The following KCTD16 variants were observed in gnomAD, a reference collection of about 807,000 sequenced individuals.
KCTD16 encodes BTB/POZ domain-containing protein KCTD16.
KCTD16 carries 13 observed loss-of-function variants against 33.2 expected under a neutral mutation model. The ratio of observed to expected loss-of-function variants is 0.39; its 90% CI spans 0.25 to 0.62. The LOEUF is 0.62. Ranked by LOEUF, KCTD16 falls within the 20% of genes least tolerant of loss-of-function variation. KCTD16 has a pLI of 0.50. For missense variants in KCTD16, 441 were observed against 525.1 expected (o/e 0.84, Z 1.57); for synonymous variants, 197 against 195.3 (o/e 1.01, Z -0.07).
chr5:144,224,225 A>G (rs975143968), intron 3 of KCTD16, among the ~76,000 whole-genome samples: 18 of 152,152 alleles, frequency 1.2e-4, no homozygotes, highest in African/African-American at 4.1e-4. Context: ...TTTTATAACA[A>G]CAAAAACAAT....
intron 3 of KCTD16, among the ~76,000 whole-genome samples, chr5:144,415,674 G>A (rs1306566558): frequency 6.6e-6 from 1 of 152,186 alleles, no homozygotes; most frequent in African/African-American, 2.4e-5. Context: ...CTGAGAAACA[G>A]GGTCAATTCC....
At chr5:144,454,987 G>T (rs1234479341) in intron 3 of KCTD16, among the ~76,000 whole-genome samples, 2 of 151,974 alleles carry the variant, frequency 1.3e-5, no homozygotes, top group African/African-American at 4.8e-5. Context: ...AAAAATTATT[G>T]GTTTCTTAAA....
intron 2 of KCTD16, among the ~76,000 whole-genome samples, chr5:144,186,524 T>C (rs1393545280): frequency 6.6e-6 from 1 of 152,162 alleles, no homozygotes; most frequent in Non-Finnish European, 1.5e-5. Flanking sequence ...ATTCTAGATT[T>C]GTAGTTTTAA....
intron 3 of KCTD16, among the ~76,000 whole-genome samples, chr5:144,450,733 G>T (rs1380238483): frequency 1.3e-5 from 2 of 152,054 alleles, no homozygotes; most frequent in Non-Finnish European, 2.9e-5. Context: ...CTTAAATGAG[G>T]TATCTAAAGT....
intron 3 of KCTD16, among the ~76,000 whole-genome samples, chr5:144,283,478 A>G (rs1755661419): frequency 6.6e-6 from 1 of 152,174 alleles, no homozygotes; most frequent in Admixed American, 6.5e-5. Flanking sequence ...AACTCAGAAG[A>G]CTTTCCCACT....
At chr5:144,233,222 T>TTATTTA (rs1273768006) in intron 3 of KCTD16, among the ~76,000 whole-genome samples, 4 of 152,140 alleles carry the variant, frequency 2.6e-5, no homozygotes, top group Non-Finnish European at 4.4e-5. Context: ...AAAAGGGTCT[T>TTATTTA]CCATCATAAG....
chr5:144,471,788 TG>T (rs1218462616), intron 3 of KCTD16, among the ~76,000 whole-genome samples: 2 of 152,238 alleles, frequency 1.3e-5, no homozygotes, highest in African/African-American at 4.8e-5. Context: ...GATTCCTTTT[TG>T]GCTAATTGGA....
chr5:144,232,497 T>C (rs572495484), intron 3 of KCTD16, among the ~76,000 whole-genome samples: 2 of 152,332 alleles, frequency 1.3e-5, no homozygotes, highest in East Asian at 3.9e-4. Context: ...CTGAGCTGTG[T>C]GTTTCCAGAG....
chr5:144,421,606 G>T (rs981645265), intron 3 of KCTD16, among the ~76,000 whole-genome samples: 4 of 152,102 alleles, frequency 2.6e-5, no homozygotes, highest in Admixed American at 2.6e-4. Flanking sequence ...AAAGCCTTAG[G>T]TGACAGAGTG....
At chr5:144,245,667 T>C (rs1422709) in intron 3 of KCTD16, among the ~76,000 whole-genome samples, 4 of 152,268 alleles carry the variant, frequency 2.6e-5, no homozygotes, top group African/African-American at 2.4e-5. Flanking sequence ...CTGTTTCTCA[T>C]GGTTTAACAT....
At chr5:144,434,417 G>C (rs886476243) in intron 3 of KCTD16, among the ~76,000 whole-genome samples, 2 of 152,020 alleles carry the variant, frequency 1.3e-5, no homozygotes, top group South Asian at 2.1e-4. Context: ...TCAGTATGAG[G>C]ATCCTGAATG....
intron 3 of KCTD16, among the ~76,000 whole-genome samples, chr5:144,263,736 C>T (rs910563284): frequency 3.3e-5 from 5 of 152,186 alleles, no homozygotes; most frequent in Admixed American, 6.5e-5. Context: ...TTAGTCAGCC[C>T]ATGCTGCTTT....
chr5:144,457,503 G>A (rs1754094987), intron 3 of KCTD16, among the ~76,000 whole-genome samples: 1 of 152,136 alleles, frequency 6.6e-6, no homozygotes, highest in Non-Finnish European at 1.5e-5. Context: ...AGGCAGAAAG[G>A]ACAGTAAGTT....
rs1285619770 is a variant in KCTD16 at position 144,261,185 on chromosome 5, GA to G, written c.832+53651del. On this transcript the variant is annotated intron_variant, in intron 3 of 3. Transcript: ENST00000512467. ...ACAACAACAAAAAAAAAAAAAAAAA[GA>G]AAAAAAAAAAAGGAACAGTTGTAGA... 5.6e-3 allele frequency among the ~76,000 whole-genome samples: 514 copies of G among 92,408 alleles called. 2 individuals are homozygous for G. The highest frequency in any genetic ancestry group is 8.2e-3 in the Non-Finnish European group (352 of 43,026). The allele number at this position is 92,408 out of a possible 152,430, so 60.6% of individuals were successfully genotyped here.
At chr5:144,299,148 A>ATT (rs369343270) in intron 3 of KCTD16, among the ~76,000 whole-genome samples, 500 of 13,970 alleles carry the variant, frequency 0.036, 75 homozygotes, top group Non-Finnish European at 0.044. Flanking sequence ...ATATATATAT[A>ATT]TTTTTTTTTT....
chr5:144,427,025 G>A (rs558205748), intron 3 of KCTD16, among the ~76,000 whole-genome samples: 8 of 152,060 alleles, frequency 5.3e-5, no homozygotes, highest in Admixed American at 1.3e-4. Flanking sequence ...TAGGTCTTTC[G>A]TATTCTCTGT....
At chr5:144,253,327 T>C (rs764112732) in intron 3 of KCTD16, among the ~76,000 whole-genome samples, 5 of 152,214 alleles carry the variant, frequency 3.3e-5, no homozygotes, top group Non-Finnish European at 5.9e-5. Context: ...TAAAATATCT[T>C]CTATTATGAA....
chr5:144,339,551 C>G (rs58714962), intron 3 of KCTD16, among the ~76,000 whole-genome samples: 4,281 of 152,248 alleles, frequency 0.028, 98 homozygotes, highest in African/African-American at 0.049. Flanking sequence ...TTTTACTTCT[C>G]TATGTTATTC....
At chr5:144,403,389 CAGAG>C (rs1171498437) in intron 3 of KCTD16, among the ~76,000 whole-genome samples, 3 of 152,222 alleles carry the variant, frequency 2.0e-5, no homozygotes, top group Admixed American at 2.0e-4. Flanking sequence ...CACAGACACA[CAGAG>C]AGAGTAATGC....
Sources: gnomAD v4.1 joint callset for allele counts (sites outside exome capture counted in the v4.1 genomes callset) on GRCh38, gnomAD v4.1.1 for gene constraint, MANE v1.5 for transcripts, NCBI Gene and HGNC (gene_info 2026-07-23, HGNC 2026-07-21) for gene names.